CSMD3: variants seen among roughly 807,000 people sequenced by gnomAD.
CSMD3 encodes the protein CUB and Sushi multiple domains 3, also known as CUB and sushi domain-containing protein 3.
In CSMD3, 177 loss-of-function variants were observed where a neutral mutation model predicts 435.2. That is an observed-to-expected ratio of 0.41 (90% CI 0.36 to 0.46). CSMD3 has a LOEUF of 0.46. Among genes scored for constraint, CSMD3 ranks in the 20% least tolerant of loss-of-function variants. The probability of loss-of-function intolerance (pLI) is 0.34; values close to 1 mark genes in which losing one functional copy is unlikely to be tolerated. For synonymous variants in CSMD3, 1,656 were observed against 1,520.5 expected (o/e 1.09, Z -2.07); for missense variants, 4,265 against 4,504.6 (o/e 0.95, Z 1.52).
chr8:112,335,601 C>G lies in CSMD3; in HGVS notation c.7020-127G>C, dbSNP rs536799866. 2.1e-3 allele frequency: 1,732 copies of G among 820,594 alleles called. 3 individuals carry two copies. The highest frequency in any genetic ancestry group is 8.8e-3 in the Middle Eastern group (38 of 4,334). 50.8% of individuals were successfully genotyped at this position (820,594 alleles called of 1,614,324 possible). On this transcript the variant is annotated intron_variant, in intron 44 of 70. Transcript: ENST00000297405. ...GTATCAATAATAAAGATGCAGGAAG[C>G]TAACCAATGAGTACAAATTATATAT... is the stretch of plus-strand genomic sequence containing the variant.
intron 60 of CSMD3, among the ~76,000 whole-genome samples, chr8:112,264,785 T>G (rs922776835): frequency 6.6e-6 from 1 of 152,056 alleles, no homozygotes; most frequent in Non-Finnish European, 1.5e-5. Flanking sequence ...AAAATCTAAT[T>G]ATTATAAAAC....
At chr8:112,665,245 C>T (rs565496465) in intron 17 of CSMD3, among the ~76,000 whole-genome samples, 3 of 152,112 alleles carry the variant, frequency 2.0e-5, no homozygotes, top group African/African-American at 4.8e-5. Context: ...ATTTGCCATA[C>T]GAAGCTCTTC....
intron 3 of CSMD3, among the ~76,000 whole-genome samples, chr8:113,259,636 G>A (rs550271063): frequency 6.6e-6 from 1 of 152,124 alleles, no homozygotes; most frequent in East Asian, 1.9e-4. Flanking sequence ...TAAAAAGCAG[G>A]AGGACTTACA....
chr8:113,012,279 T>A (rs976658865), intron 6 of CSMD3, among the ~76,000 whole-genome samples: 1 of 151,782 alleles, frequency 6.6e-6, no homozygotes, highest in Admixed American at 6.6e-5. Context: ...CAGTAAAAAT[T>A]AAATAAAACC....
At chr8:113,392,397 C>T (rs1471955439) in intron 1 of CSMD3, among the ~76,000 whole-genome samples, 1 of 152,090 alleles carries the variant, frequency 6.6e-6, no homozygotes, top group Non-Finnish European at 1.5e-5. Context: ...ACGATTCAGA[C>T]ACAATTTAGC....
chr8:113,384,539 G>A (rs1234123039), intron 1 of CSMD3, among the ~76,000 whole-genome samples: 4 of 152,248 alleles, frequency 2.6e-5, no homozygotes, highest in African/African-American at 9.6e-5. Flanking sequence ...GAGAAACAAA[G>A]GCAAACGTTT....
At chr8:112,278,000 T>A (rs1398156347) in intron 59 of CSMD3, among the ~76,000 whole-genome samples, 1 of 152,170 alleles carries the variant, frequency 6.6e-6, no homozygotes, top group Admixed American at 6.5e-5. Context: ...TATTCATCCA[T>A]CCCTTCTCTC....
At chr8:112,228,697 G>T (rs547419396) in intron 70 of CSMD3, 59 bp downstream of exon 70, 1 of 1,531,656 alleles carries the variant, frequency 6.5e-7, no homozygotes, top group Non-Finnish European at 9.0e-7. Context: ...TAGAGCAGTA[G>T]AAATAACATG....
At chr8:112,542,151 T>C (rs1248631827) in intron 27 of CSMD3, among the ~76,000 whole-genome samples, 7 of 151,212 alleles carry the variant, frequency 4.6e-5, no homozygotes, top group Non-Finnish European at 1.0e-4. Context: ...AAGAAAAATG[T>C]TTCAACATTA....
chr8:112,407,054 GT>G (rs549305152), intron 34 of CSMD3, among the ~76,000 whole-genome samples: 37 of 151,618 alleles, frequency 2.4e-4, no homozygotes, highest in Non-Finnish European at 3.5e-4. Flanking sequence ...AAAACTGAAA[GT>G]TTTTTTTCTT....
At position 113,135,761 on chromosome 8, in the gene CSMD3, C is replaced by G. The variant is rs565543692; in HGVS notation, c.710-36798G>C. Among the ~76,000 whole-genome samples, 174 of 151,932 alleles carry G rather than the reference C, an allele frequency of 1.1e-3. 2 individuals carry two copies. The highest frequency in any genetic ancestry group is 2.0e-3 in the Non-Finnish European group (134 of 67,866). Reference sequence around the variant, plus strand: ...CTTGGATCCTTTCAAATTAGGAACTCTTAGAGAATCATTTGAGGAGACTGG... The same window carrying G: ...CTTGGATCCTTTCAAATTAGGAACTGTTAGAGAATCATTTGAGGAGACTGG... On this transcript the variant is annotated intron_variant, in intron 4 of 70. Transcript: ENST00000297405.
intron 5 of CSMD3, among the ~76,000 whole-genome samples, chr8:113,020,677 A>G (rs575829346): frequency 2.0e-4 from 30 of 152,310 alleles, no homozygotes; most frequent in African/African-American, 6.3e-4. Context: ...TATATTTCCT[A>G]TTCTTCAAAG....
At chr8:112,332,021 T>G (rs1824116046) in intron 45 of CSMD3, among the ~76,000 whole-genome samples, 1 of 152,242 alleles carries the variant, frequency 6.6e-6, no homozygotes, top group South Asian at 2.1e-4. Context: ...TAAAATGATC[T>G]TTGTAAAAGT....
chr8:112,480,286 G>A (rs570690327), intron 31 of CSMD3, among the ~76,000 whole-genome samples: 1 of 152,264 alleles, frequency 6.6e-6, no homozygotes, highest in South Asian at 2.1e-4. Context: ...TGATTTTATA[G>A]GCTGATGGGT....
At chr8:112,801,266 C>A (rs969449508) in intron 12 of CSMD3, among the ~76,000 whole-genome samples, 1 of 151,944 alleles carries the variant, frequency 6.6e-6, no homozygotes. Flanking sequence ...AATAGTGGCT[C>A]TACTATGAAT....
At chr8:112,308,167 A>G (rs1434315615) in intron 50 of CSMD3, among the ~76,000 whole-genome samples, 1 of 152,134 alleles carries the variant, frequency 6.6e-6, no homozygotes, top group Non-Finnish European at 1.5e-5. Flanking sequence ...CAGAACCTCT[A>G]AAATAGTGTT....
chr8:113,078,807 T>A (rs1332025295), intron 5 of CSMD3, among the ~76,000 whole-genome samples: 1 of 152,142 alleles, frequency 6.6e-6, no homozygotes, highest in East Asian at 1.9e-4. Flanking sequence ...CTCCTAAGAA[T>A]CCCATCTGCA....
chr8:112,475,642 T>C (rs1818971705), intron 31 of CSMD3, among the ~76,000 whole-genome samples: 1 of 152,084 alleles, frequency 6.6e-6, no homozygotes, highest in African/African-American at 2.4e-5. Flanking sequence ...GGCATTACTG[T>C]TAATGGCAAA....
chr8:113,298,306 T>C (rs906820075), intron 2 of CSMD3, among the ~76,000 whole-genome samples: 1 of 152,100 alleles, frequency 6.6e-6, no homozygotes, highest in African/African-American at 2.4e-5. Flanking sequence ...TTACGTATTT[T>C]AACCTAAATA....
Sources: gnomAD v4.1 joint callset for allele counts (sites outside exome capture counted in the v4.1 genomes callset) on GRCh38, gnomAD v4.1.1 for gene constraint, MANE v1.5 for transcripts, NCBI Gene and HGNC (gene_info 2026-07-23, HGNC 2026-07-21) for gene names.